SDHA: variants seen among roughly 807,000 people sequenced by gnomAD.
SDHA encodes succinate dehydrogenase complex flavoprotein subunit A.
A neutral mutation model predicts 78.4 loss-of-function variants in SDHA; 48 were observed. The ratio of observed to expected loss-of-function variants is 0.61; its 90% CI spans 0.49 to 0.78. The LOEUF is 0.78. Among genes scored for constraint, SDHA ranks in the 30% least tolerant of loss-of-function variants. The pLI, the probability that SDHA is intolerant of heterozygous loss-of-function variation, is 0.00. For synonymous variants in SDHA, 326 were observed against 353.9 expected, an observed-to-expected ratio of 0.92 and a Z score of 0.88; for missense variants, 680 against 892.7, an observed-to-expected ratio of 0.76 and a Z score of 3.04.
chr5:228,670 G>T (rs1042172234), intron 6 of SDHA, among the ~76,000 whole-genome samples: 1 of 152,136 alleles, frequency 6.6e-6, no homozygotes, highest in East Asian at 1.9e-4. Flanking sequence ...GTTTTAGTGG[G>T]TACTGTATTG....
rs758090348 is a variant in SDHA, at chr5:240,513, G to A, written c.1551+37G>A. The A allele has an allele frequency of 9.8e-6, 13 of 1,324,710 alleles. No individual in the cohort carries two copies. In the South Asian group the frequency reaches 1.3e-4, roughly 13 times the overall value. The allele number at this position is 1,324,710 out of a possible 1,614,324, so 82.1% of individuals were successfully genotyped here. ...GACTCGCTCTGGAGTGAGCAGGAGG[G>A]CTGCATACCTGGCCCTGCACTGGTT... is the stretch of plus-strand genomic sequence containing the variant. On this transcript the variant is annotated intron_variant, in intron 11 of 14. Transcript: ENST00000264932.
At chr5:221,375 C>T (rs10067021) in intron 1 of SDHA, among the ~76,000 whole-genome samples, 36,570 of 152,110 alleles carry the variant, frequency 0.24, 6,857 homozygotes, top group African/African-American at 0.52. Context: ...ACCCTGCTTC[C>T]GCTTCTTCCT....
In SDHA at chr5:225,645, C is replaced by A. The variant is rs200342815; in HGVS notation, c.456+83C>A. On this transcript the variant is annotated intron_variant, in intron 4 of 14. Coordinates refer to ENST00000264932, the MANE Select transcript of SDHA (RefSeq NM_004168.4). ...TGGAAAAAAATGTAAGCAATTGAGG[C>A]GGATGTGGCAGCCAAAAGAATGGTG... is the stretch of plus-strand genomic sequence containing the variant. 1.3e-5 allele frequency: 20 copies of A among 1,589,116 alleles called. No homozygotes were observed. In the East Asian group the frequency reaches 4.0e-4, roughly 32 times the overall value.
downstream of SDHA, among the ~76,000 whole-genome samples, chr5:260,913 G>C (rs1300560795): frequency 1.2e-4 from 1 of 8,482 alleles, no homozygotes; most frequent in Admixed American, 8.8e-4. Flanking sequence ...CCTCCCGCCA[G>C]AGCATTACCG....
intron 7 of SDHA, among the ~76,000 whole-genome samples, chr5:232,877 G>GTT (rs1274118620): frequency 2.8e-4 from 43 of 152,168 alleles, no homozygotes; most frequent in Admixed American, 2.0e-4. Flanking sequence ...GACTACCCAG[G>GTT]TTTGGGTTTG....
At chr5:266,805 G>A in the SDHA span, among the ~76,000 whole-genome samples, 1 of 152,070 alleles carries the variant, frequency 6.6e-6, no homozygotes, top group African/African-American at 2.4e-5. Flanking sequence ...GTCCCGTGCA[G>A]TAGACACGGT....
chr5:228,803 CAA>C (rs918982600), intron 6 of SDHA, among the ~76,000 whole-genome samples: 1 of 151,466 alleles, frequency 6.6e-6, no homozygotes, highest in Non-Finnish European at 1.5e-5. Context: ...TACAGCCAAA[CAA>C]AAAATCAGCA....
At position 238,609 on chromosome 5, in the gene SDHA, T is replaced by G. The variant is rs538218606; in HGVS notation, c.1433-1749T>G. Reference sequence around the variant, plus strand: ...GGGCTTGAACTCCTGGCCTCAAGTGTTCCTCCTGTCTCAGCCTCCCGAAGT... The same window carrying G: ...GGGCTTGAACTCCTGGCCTCAAGTGGTCCTCCTGTCTCAGCCTCCCGAAGT... On this transcript the variant is annotated intron_variant, in intron 10 of 14. Coordinates refer to ENST00000264932, the MANE Select transcript of SDHA (RefSeq NM_004168.4). 4.2e-4 allele frequency among the ~76,000 whole-genome samples: 64 copies of G among 152,264 alleles called. No homozygotes were observed. In the East Asian group the frequency reaches 4.4e-3, roughly 11 times the overall value.
chr5:249,993 C>T (rs1736712367), intron 11 of SDHA: 1 of 152,124 alleles, frequency 6.6e-6, no homozygotes, highest in African/African-American at 2.4e-5. Flanking sequence ...GTAAATATCT[C>T]ATTCACATTT....
rs1163480292 is a variant in SDHA at position 238,696 on chromosome 5, C to T, written c.1433-1662C>T. 3.9e-5 allele frequency among the ~76,000 whole-genome samples: 6 copies of T among 152,180 alleles called. No individual in the cohort carries two copies. In the South Asian group the frequency reaches 1.0e-3, roughly 26 times the overall value. On this transcript the variant is annotated intron_variant, in intron 10 of 14. Coordinates refer to ENST00000264932, the MANE Select transcript of SDHA (RefSeq NM_004168.4). ...AACTGAGGCTGGGTGCAGTGGCTCA[C>T]GCCTATAATCCCACCGCTTTGGGAG...
chr5:244,387 A>C (rs1736322600), intron 11 of SDHA, among the ~76,000 whole-genome samples: 1 of 152,102 alleles, frequency 6.6e-6, no homozygotes, highest in Non-Finnish European at 1.5e-5. Context: ...GAGGAAATTC[A>C]AATTGTTACA....
intron 5 of SDHA, among the ~76,000 whole-genome samples, chr5:226,780 T>A (rs1579387761): frequency 6.6e-6 from 1 of 151,400 alleles, no homozygotes; most frequent in East Asian, 2.0e-4. Flanking sequence ...TACAAAAAAA[T>A]TAGCCAGGCA....
the SDHA span, among the ~76,000 whole-genome samples, chr5:265,188 A>G: frequency 6.6e-6 from 1 of 152,258 alleles, no homozygotes; most frequent in Non-Finnish European, 1.5e-5. Context: ...CCTGGGCAAC[A>G]GGAACAAAAC....
chr5:255,127 C>T (rs562212798), intron 14 of SDHA, among the ~76,000 whole-genome samples: 4 of 76,420 alleles, frequency 5.2e-5, no homozygotes, highest in East Asian at 4.4e-4. Flanking sequence ...AACAGCCAGC[C>T]GAGGGTGTGG....
At chr5:239,304 C>CAT (rs79715419) in intron 10 of SDHA, among the ~76,000 whole-genome samples, 36,310 of 151,004 alleles carry the variant, frequency 0.24, 6,583 homozygotes, top group African/African-American at 0.52. Flanking sequence ...GTGGCTCACA[C>CAT]GTGATCCCAG....
At chr5:235,764 A>T in intron 9 of SDHA, 4 of 315,030 alleles carry the variant, frequency 1.3e-5, no homozygotes, top group South Asian at 5.4e-5. Flanking sequence ...GGGGTAGAAC[A>T]GTCTGGAACA....
intron 1 of SDHA, among the ~76,000 whole-genome samples, chr5:221,113 G>A (rs1262883964): frequency 3.3e-5 from 5 of 152,200 alleles, no homozygotes; most frequent in East Asian, 3.9e-4. Context: ...ACGCCCGGCC[G>A]AACTGTATTT....
At chr5:220,142 C>T (rs1734631494) in intron 1 of SDHA, 1 of 221,428 alleles carries the variant, frequency 4.5e-6, no homozygotes, top group Non-Finnish European at 9.8e-6. Context: ...CTCATTTTGG[C>T]CAGTTCTGTG....
intron 1 of SDHA, among the ~76,000 whole-genome samples, chr5:220,043 AAAG>A (rs893669463): frequency 2.0e-5 from 3 of 152,264 alleles, no homozygotes; most frequent in African/African-American, 7.2e-5. Context: ...CAGAAAAAAG[AAAG>A]AAATTCGTGA....
Sources: allele counts gnomAD v4.1 joint callset (sites outside exome capture counted in the v4.1 genomes callset), GRCh38; gene constraint gnomAD v4.1.1; transcripts MANE v1.5; gene names NCBI Gene and HGNC (gene_info 2026-07-23, HGNC 2026-07-21).